Variants in NSUN6 observed in about 807,000 individuals in gnomAD.
NSUN6 encodes NOP2/Sun RNA methyltransferase 6.
In NSUN6, 64 loss-of-function variants were observed where a neutral mutation model predicts 58.0. That is an observed-to-expected ratio of 1.10 (90% CI 0.90 to 1.36). The LOEUF is 1.36. Ranked by LOEUF, NSUN6 falls within the 40% of genes most tolerant of loss-of-function variation. The pLI is 0.00. For synonymous variants in NSUN6, 231 were observed against 193.9 expected, an observed-to-expected ratio of 1.19 and a Z score of -1.59; for missense variants, 701 against 550.1, an observed-to-expected ratio of 1.27 and a Z score of -2.74.
chr10:18,600,880 A>G (rs2057776864), intron 6 of NSUN6, among the ~76,000 whole-genome samples: 1 of 144,410 alleles, frequency 6.9e-6, no homozygotes, highest in South Asian at 2.2e-4. Context: ...GTGAGTGGAG[A>G]TCATGCCATC....
At chr10:18,589,757 A>G (rs2057307946) in intron 7 of NSUN6, among the ~76,000 whole-genome samples, 1 of 152,222 alleles carries the variant, frequency 6.6e-6, no homozygotes, top group African/African-American at 2.4e-5. Flanking sequence ...TCCTAAAGGA[A>G]GCACTAAATA....
At chr10:18,655,296 G>A, upstream of NSUN6, 1 of 197,994 alleles carries the variant, frequency 5.1e-6, no homozygotes, top group Non-Finnish European at 9.1e-6. Context: ...AGCTACTAGG[G>A]TGCAGATTCC....
intron 8 of NSUN6, among the ~76,000 whole-genome samples, chr10:18,577,871 C>T (rs566932382): frequency 1.3e-5 from 2 of 152,266 alleles, no homozygotes; most frequent in East Asian, 1.9e-4. Flanking sequence ...ATTAGCCAAC[C>T]GGAATTAGTT....
At chr10:18,655,046 G>C (rs1055549556), upstream of NSUN6, 1 of 980,402 alleles carries the variant, frequency 1.0e-6, no homozygotes, top group African/African-American at 1.8e-5. Context: ...CATTTTTCTT[G>C]CCACGCTTAT....
chr10:18,580,414 G>A (rs1373942095), intron 8 of NSUN6, among the ~76,000 whole-genome samples: 2 of 152,126 alleles, frequency 1.3e-5, no homozygotes, highest in Non-Finnish European at 2.9e-5. Context: ...AAGGACTGTG[G>A]TCTCTCCCTA....
At chr10:18,555,634 ATG>A (rs1290969784) in intron 8 of NSUN6, among the ~76,000 whole-genome samples, 6 of 139,530 alleles carry the variant, frequency 4.3e-5, no homozygotes, top group Admixed American at 3.8e-4. Flanking sequence ...GGAATGGAGC[ATG>A]GAATGTAATG....
At chr10:18,567,399 C>A (rs1229784996) in intron 8 of NSUN6, among the ~76,000 whole-genome samples, 1 of 149,972 alleles carries the variant, frequency 6.7e-6, no homozygotes, top group Non-Finnish European at 1.5e-5. Flanking sequence ...ATACCATTCT[C>A]CATCATTGCA....
At chr10:18,633,933 C>A (rs1488912352) in intron 3 of NSUN6, among the ~76,000 whole-genome samples, 1 of 152,188 alleles carries the variant, frequency 6.6e-6, no homozygotes, top group African/African-American at 2.4e-5. Flanking sequence ...CTCTGCTCAC[C>A]AGGACTACAG....
intron 7 of NSUN6, among the ~76,000 whole-genome samples, chr10:18,594,796 T>G (rs1244607038): frequency 1.3e-5 from 2 of 152,198 alleles, no homozygotes; most frequent in Admixed American, 1.3e-4. Flanking sequence ...CCATGTATAT[T>G]CACTCTTCAC....
intron 6 of NSUN6, among the ~76,000 whole-genome samples, chr10:18,599,100 C>CA (rs1164120131): frequency 6.6e-6 from 1 of 152,140 alleles, no homozygotes; most frequent in Non-Finnish European, 1.5e-5. Flanking sequence ...TGCAGTGGTG[C>CA]AATCAAAGCT....
chr10:18,615,549 C>T (rs1432001356), intron 4 of NSUN6, among the ~76,000 whole-genome samples: 1 of 152,142 alleles, frequency 6.6e-6, no homozygotes, highest in African/African-American at 2.4e-5. Flanking sequence ...CCATTCTTAG[C>T]TTATGGGCCA....
intron 7 of NSUN6, among the ~76,000 whole-genome samples, chr10:18,591,545 G>A (rs999538794): frequency 7.9e-5 from 12 of 152,034 alleles, no homozygotes; most frequent in Admixed American, 2.0e-4. Context: ...GCTTCATCCC[G>A]GGGATGCAAG....
chr10:18,594,989 C>T (rs1266106875), intron 7 of NSUN6, among the ~76,000 whole-genome samples: 1 of 152,228 alleles, frequency 6.6e-6, no homozygotes, highest in Non-Finnish European at 1.5e-5. Flanking sequence ...CAGCCCCCAA[C>T]TACTGCCCTC....
chr10:18,614,540 A>G lies in NSUN6; in HGVS notation c.495T>C (p.Phe165=), dbSNP rs575041443. 6.5e-7 allele frequency: 1 copy of G among 1,541,678 alleles called. No individual in the cohort carries two copies. The highest frequency in any genetic ancestry group is 1.2e-5 in the South Asian group (1 of 81,582). Reference sequence around the variant, plus strand: ...TTCCAAGAAATACTTTTGTTCCATCAAATTCTTTGGCTCCTTTCTTACATT... The same window carrying G: ...TTCCAAGAAATACTTTTGTTCCATCGAATTCTTTGGCTCCTTTCTTACATT... The part of the protein sequence containing the change: ...KGKCKKGAKE[F]DGTKVFLGNG... Residue 165 remains phenylalanine, a synonymous_variant, in exon 5 of 11, where the codon TTT becomes TTC. Transcript: ENST00000377304.
intron 6 of NSUN6, among the ~76,000 whole-genome samples, chr10:18,606,492 C>G (rs1164794610): frequency 1.3e-5 from 2 of 152,182 alleles, no homozygotes; most frequent in East Asian, 1.9e-4. Flanking sequence ...CTGGTGAAAT[C>G]TGAATACCAG....
chr10:18,622,343 C>G (rs899378045), intron 3 of NSUN6, among the ~76,000 whole-genome samples: 9 of 152,150 alleles, frequency 5.9e-5, no homozygotes, highest in African/African-American at 2.2e-4. Flanking sequence ...TACTGGCACA[C>G]GTCGTGGATT....
At chr10:18,648,254 AGGG>A (rs2059605729) in intron 2 of NSUN6, among the ~76,000 whole-genome samples, 2 of 152,146 alleles carry the variant, frequency 1.3e-5, no homozygotes, top group African/African-American at 4.8e-5. Flanking sequence ...TGCGGCCCAG[AGGG>A]GTTTAATGAG....
intron 8 of NSUN6, among the ~76,000 whole-genome samples, chr10:18,581,093 C>T (rs544359589): frequency 6.6e-6 from 1 of 152,068 alleles, no homozygotes; most frequent in Non-Finnish European, 1.5e-5. Context: ...CCTGATTCTT[C>T]CCTTGGGGTG....
chr10:18,558,945 G>A (rs1247163439), intron 8 of NSUN6, among the ~76,000 whole-genome samples: 1 of 151,260 alleles, frequency 6.6e-6, no homozygotes, highest in African/African-American at 2.4e-5. Flanking sequence ...CAATGGAATG[G>A]AAGGGAGAAT....
Sources: gnomAD v4.1 joint callset for allele counts (sites outside exome capture counted in the v4.1 genomes callset) on GRCh38, gnomAD v4.1.1 for gene constraint, MANE v1.5 for transcripts, NCBI Gene and HGNC (gene_info 2026-07-23, HGNC 2026-07-21) for gene names.